SPRR2G: variants seen among roughly 807,000 people sequenced by gnomAD.
SPRR2G encodes the protein small proline rich protein 2G, also known as small proline-rich protein 2G.
SPRR2G carries 1 observed loss-of-function variant against 0.7 expected under a neutral mutation model. The observed-to-expected ratio is 1.49, with a 90% confidence interval of 0.53 to 7.06. The LOEUF (loss-of-function observed/expected upper bound fraction) is 7.06. Ranked by LOEUF, SPRR2G falls within the 30% of genes most tolerant of loss-of-function variation. SPRR2G has a pLI of 0.14. For synonymous variants in SPRR2G, 38 were observed against 33.9 expected (o/e 1.12, Z -0.42); for missense variants, 96 against 88.5 (o/e 1.09, Z -0.34).
chr1:153,182,237 T>A, the SPRR2G span, among the ~76,000 whole-genome samples: 596 of 152,270 alleles, frequency 3.9e-3, 7 homozygotes, highest in African/African-American at 0.013. Flanking sequence ...TCTGTTTAGA[T>A]CCTTTGCCCA....
chr1:153,151,109 T>C (rs1410882847), upstream of SPRR2G, among the ~76,000 whole-genome samples: 2 of 152,248 alleles, frequency 1.3e-5, no homozygotes, highest in African/African-American at 4.8e-5. Context: ...CCAGTGGCAA[T>C]TGTAGAACGT....
chr1:153,157,540 A>C, the SPRR2G span, among the ~76,000 whole-genome samples: 1 of 152,162 alleles, frequency 6.6e-6, no homozygotes, highest in African/African-American at 2.4e-5. Context: ...ATCTGGATGA[A>C]TCTAGACATA....
the SPRR2G span, among the ~76,000 whole-genome samples, chr1:153,163,755 C>A: frequency 2.6e-5 from 4 of 152,130 alleles, no homozygotes; most frequent in African/African-American, 9.7e-5. Flanking sequence ...TGTCTCAGCC[C>A]TGTTGGGAGG....
the SPRR2G span, among the ~76,000 whole-genome samples, chr1:153,187,902 T>TTGTTGA: frequency 2.0e-5 from 3 of 152,292 alleles, no homozygotes; most frequent in South Asian, 2.1e-4. Context: ...GGTGTCCTTT[T>TTGTTGA]TGTTGATGTT....
the SPRR2G span, among the ~76,000 whole-genome samples, chr1:153,172,583 C>T: frequency 6.6e-6 from 1 of 152,084 alleles, no homozygotes; most frequent in South Asian, 2.1e-4. Flanking sequence ...GGAAACCTTG[C>T]TAGTCACTCA....
chr1:153,165,603 C>T, the SPRR2G span, among the ~76,000 whole-genome samples: 1 of 152,114 alleles, frequency 6.6e-6, no homozygotes, highest in Non-Finnish European at 1.5e-5. Context: ...TATCTCCTCT[C>T]CCAGAACTCC....
the SPRR2G span, among the ~76,000 whole-genome samples, chr1:153,168,206 T>G: frequency 6.6e-6 from 1 of 152,186 alleles, no homozygotes; most frequent in Non-Finnish European, 1.5e-5. Flanking sequence ...AAACACTCAG[T>G]TCCATAGAAG....
At chr1:153,200,879 TGTATTTTTA>T in the SPRR2G span, among the ~76,000 whole-genome samples, 33 of 152,276 alleles carry the variant, frequency 2.2e-4, no homozygotes, top group African/African-American at 7.7e-4. Context: ...TGCTAATTTT[TGTATTTTTA>T]GTAGAGATGG....
chr1:153,194,348 C>A, the SPRR2G span, among the ~76,000 whole-genome samples: 2 of 152,296 alleles, frequency 1.3e-5, no homozygotes, highest in Non-Finnish European at 1.5e-5. Flanking sequence ...TCCTGCCTCC[C>A]ATCAAATTAT....
chr1:153,190,915 G>A, the SPRR2G span: 5 of 151,428 alleles, frequency 3.3e-5, no homozygotes, highest in African/African-American at 1.2e-4. Context: ...ATGTATCCCT[G>A]ACTGGTCATG....
chr1:153,170,165 TAGTC>T, the SPRR2G span, among the ~76,000 whole-genome samples: 1 of 152,216 alleles, frequency 6.6e-6, no homozygotes, highest in African/African-American at 2.4e-5. Flanking sequence ...GGAATTGTAT[TAGTC>T]AGTGGGAGAC....
chr1:153,167,496 GA>G, the SPRR2G span, among the ~76,000 whole-genome samples: 2 of 151,852 alleles, frequency 1.3e-5, no homozygotes, highest in African/African-American at 4.8e-5. Flanking sequence ...AAAAGAAAAA[GA>G]AAAAGAAATC....
the SPRR2G span, among the ~76,000 whole-genome samples, chr1:153,201,637 G>A: frequency 3.9e-5 from 6 of 152,264 alleles, no homozygotes; most frequent in South Asian, 6.2e-4. Context: ...TGACTCTATC[G>A]CCAATTATTC....
At chr1:153,183,623 T>C in the SPRR2G span, among the ~76,000 whole-genome samples, 3 of 152,192 alleles carry the variant, frequency 2.0e-5, no homozygotes, top group Non-Finnish European at 2.9e-5. Flanking sequence ...ATATTAGACC[T>C]TTGTCAGATG....
the SPRR2G span, among the ~76,000 whole-genome samples, chr1:153,193,020 T>C: frequency 6.6e-6 from 1 of 152,130 alleles, no homozygotes; most frequent in African/African-American, 2.4e-5. Context: ...TTTCTTTATT[T>C]TGAGAGATTA....
chr1:153,154,089 T>A (rs983511585), upstream of SPRR2G, among the ~76,000 whole-genome samples: 1 of 152,072 alleles, frequency 6.6e-6, no homozygotes, highest in African/African-American at 2.4e-5. Context: ...ACAATTTGTA[T>A]CCTTTATTCT....
At chr1:153,152,455 G>T (rs1656491892), upstream of SPRR2G, among the ~76,000 whole-genome samples, 1 of 151,710 alleles carries the variant, frequency 6.6e-6, no homozygotes, top group Non-Finnish European at 1.5e-5. Flanking sequence ...AACTTGATTG[G>T]GTTGGTACAG....
chr1:153,177,212 G>C, the SPRR2G span, among the ~76,000 whole-genome samples: 3 of 152,282 alleles, frequency 2.0e-5, no homozygotes, highest in South Asian at 6.2e-4. Flanking sequence ...ATGCTAGGCA[G>C]TATTTCATTG....
the SPRR2G span, among the ~76,000 whole-genome samples, chr1:153,193,070 C>T: frequency 3.3e-5 from 5 of 152,230 alleles, no homozygotes; most frequent in East Asian, 9.7e-4. Context: ...CCCAGGAAGT[C>T]TTGGTGGTGA....
Sources: allele counts gnomAD v4.1 joint callset (sites outside exome capture counted in the v4.1 genomes callset), GRCh38; gene constraint gnomAD v4.1.1; transcripts MANE v1.5; gene names NCBI Gene and HGNC (gene_info 2026-07-23, HGNC 2026-07-21).